GRXCR2: variants seen among roughly 807,000 people sequenced by gnomAD.
The protein encoded by GRXCR2 is glutaredoxin and cysteine rich domain containing 2.
Under a neutral mutation model 24.8 loss-of-function variants are expected in GRXCR2, and 23 were observed. The observed-to-expected ratio is 0.93, with a 90% CI of 0.67 to 1.32. The LOEUF (loss-of-function observed/expected upper bound fraction) is 1.32. GRXCR2 is among the 40% of genes most tolerant of loss of function. GRXCR2 has a pLI of 0.00. For synonymous variants in GRXCR2, 130 were observed against 116.1 expected (o/e 1.12, Z -0.77); for missense variants, 315 against 303.4 (o/e 1.04, Z -0.28).
chr5:145,922,628 C>T (rs1757337893), intron 2 of GRXCR2, among the ~76,000 whole-genome samples: 1 of 152,132 alleles, frequency 6.6e-6, no homozygotes, highest in Non-Finnish European at 1.5e-5. Context: ...TTTATTTTCC[C>T]CACAGGCTCC....
At position 145,928,013 on chromosome 5, in the gene GRXCR2, G is replaced by C. The variant is rs919749068; in HGVS notation, c.-70+7688C>G. Among the ~76,000 whole-genome samples the C allele has an allele frequency of 1.1e-3, 160 of 151,878 alleles. 1 individual carries two copies. Among genetic ancestry groups the C allele is most frequent in the African/African-American group, 3.7e-3 (154 of 41,410 alleles). On this transcript the variant is annotated intron_variant, in intron 2 of 3. Coordinates refer to the GRXCR2 transcript ENST00000639411. ...TTTGCAATCTACTCATCTGACAAAG[G>C]GCTAATATCCAGAATCTACAATGAA...
intron 2 of GRXCR2, among the ~76,000 whole-genome samples, chr5:145,897,644 A>G (rs1339604698): frequency 6.6e-6 from 1 of 152,136 alleles, no homozygotes; most frequent in Non-Finnish European, 1.5e-5. Context: ...TGGAATAAAA[A>G]TACAAATCAA....
intron 2 of GRXCR2, among the ~76,000 whole-genome samples, chr5:145,930,839 A>G (rs1263980829): frequency 1.3e-5 from 2 of 152,194 alleles, no homozygotes; most frequent in Non-Finnish European, 2.9e-5. Context: ...TATTATATAC[A>G]TCATCTCAAC....
intron 2 of GRXCR2, among the ~76,000 whole-genome samples, chr5:145,861,877 TAAG>T (rs1756345733): frequency 6.6e-6 from 1 of 152,152 alleles, no homozygotes; most frequent in African/African-American, 2.4e-5. Context: ...GCAAATTGCC[TAAG>T]AAGATACTAA....
chr5:145,884,361 G>A (rs957999737), intron 2 of GRXCR2, among the ~76,000 whole-genome samples: 4 of 151,964 alleles, frequency 2.6e-5, no homozygotes, highest in South Asian at 2.1e-4. Context: ...ACATAACCAC[G>A]TGCAGTATAT....
chr5:145,873,028 C>T, upstream of GRXCR2: 1 of 1,418,606 alleles, frequency 7.0e-7, no homozygotes, highest in Non-Finnish European at 9.8e-7. Context: ...ACTTGGGCCT[C>T]TGAGAAAAAG....
chr5:145,900,848 C>T (rs1024700686), intron 2 of GRXCR2, among the ~76,000 whole-genome samples: 12 of 152,220 alleles, frequency 7.9e-5, no homozygotes, highest in African/African-American at 2.6e-4. Flanking sequence ...TCATCACACT[C>T]AATGCAGGGC....
chr5:145,898,198 A>G (rs1039790089), intron 2 of GRXCR2, among the ~76,000 whole-genome samples: 3 of 152,032 alleles, frequency 2.0e-5, no homozygotes, highest in South Asian at 4.1e-4. Context: ...CTCTACACAC[A>G]TAAACTAGAA....
intron 2 of GRXCR2, among the ~76,000 whole-genome samples, chr5:145,900,954 G>A (rs1757015690): frequency 6.6e-6 from 1 of 152,092 alleles, no homozygotes; most frequent in South Asian, 2.1e-4. Context: ...GGAACACTAT[G>A]CAGCCATAAA....
chr5:145,868,792 C>T (rs1054109095), intron 1 of GRXCR2, among the ~76,000 whole-genome samples: 5 of 152,130 alleles, frequency 3.3e-5, no homozygotes, highest in African/African-American at 1.2e-4. Context: ...TGATGTACCC[C>T]AAAGATGGAG....
chr5:145,877,587 G>A (rs969920075), upstream of GRXCR2, among the ~76,000 whole-genome samples: 9 of 152,218 alleles, frequency 5.9e-5, no homozygotes, highest in African/African-American at 1.7e-4. Context: ...GTATAGAAGA[G>A]ATCTGTTCCA....
intron 2 of GRXCR2, among the ~76,000 whole-genome samples, chr5:145,883,625 G>A (rs1756736079): frequency 1.3e-5 from 2 of 152,172 alleles, no homozygotes; most frequent in African/African-American, 4.8e-5. Flanking sequence ...AGGCACAGTG[G>A]CTCATGCCTG....
chr5:145,871,846 T>C (rs1031909341), intron 1 of GRXCR2, among the ~76,000 whole-genome samples: 1 of 152,218 alleles, frequency 6.6e-6, no homozygotes, highest in African/African-American at 2.4e-5. Flanking sequence ...CATTATATAA[T>C]TGTATTTTAT....
intron 2 of GRXCR2, among the ~76,000 whole-genome samples, chr5:145,887,940 G>A (rs1265677572): frequency 6.6e-6 from 1 of 152,210 alleles, no homozygotes; most frequent in East Asian, 1.9e-4. Flanking sequence ...TTTAAAATAT[G>A]TAGTATTTTA....
chr5:145,870,306 A>T (rs1277725365), intron 1 of GRXCR2, among the ~76,000 whole-genome samples: 1 of 152,110 alleles, frequency 6.6e-6, no homozygotes, highest in Non-Finnish European at 1.5e-5. Context: ...TACTCTAGGT[A>T]CCTCAAATAA....
At chr5:145,876,208 TATATATATACAC>T (rs1246000555), upstream of GRXCR2, among the ~76,000 whole-genome samples, 6 of 141,330 alleles carry the variant, frequency 4.2e-5, no homozygotes, top group Admixed American at 2.1e-4. Context: ...TATATATATA[TATATATATACAC>T]ACACACACAC....
chr5:145,874,181 G>A (rs959495549), upstream of GRXCR2, among the ~76,000 whole-genome samples: 2 of 151,510 alleles, frequency 1.3e-5, no homozygotes, highest in African/African-American at 4.9e-5. Context: ...CCATTCGCTT[G>A]GATTCTTTTT....
intron 2 of GRXCR2, among the ~76,000 whole-genome samples, chr5:145,885,123 C>T (rs73792717): frequency 5.5e-5 from 6 of 109,218 alleles, no homozygotes; most frequent in African/African-American, 1.9e-4. Flanking sequence ...GTGTGTGTGT[C>T]TGTCTGTCTG....
intron 2 of GRXCR2, among the ~76,000 whole-genome samples, chr5:145,902,479 A>T (rs1279795485): frequency 6.6e-6 from 1 of 152,024 alleles, no homozygotes; most frequent in Non-Finnish European, 1.5e-5. Context: ...CAAAAACTAT[A>T]CTCTTATATG....
Sources: allele counts gnomAD v4.1 joint callset (sites outside exome capture counted in the v4.1 genomes callset), GRCh38; gene constraint gnomAD v4.1.1; transcripts MANE v1.5; gene names NCBI Gene and HGNC (gene_info 2026-07-23, HGNC 2026-07-21).